SPATA7: variants seen among roughly 807,000 people sequenced by gnomAD.
SPATA7 encodes the protein spermatogenesis-associated protein 7.
In SPATA7, 43 loss-of-function variants were observed where a neutral mutation model predicts 51.8. The ratio of observed to expected loss-of-function variants is 0.83; its 90% CI spans 0.65 to 1.07. The LOEUF (loss-of-function observed/expected upper bound fraction) is 1.07, where lower values mean the gene tolerates loss of function less well. Ranked by LOEUF, SPATA7 falls within the 50% of genes least tolerant of loss-of-function variation. SPATA7 has a pLI of 0.00. For synonymous variants in SPATA7, 230 were observed against 252.8 expected (o/e 0.91, Z 0.86); for missense variants, 683 against 701.3 (o/e 0.97, Z 0.30).
chr14:88,468,136 C>G (rs1427244487), intron 4 of SPATA7: 17 of 1,613,988 alleles, frequency 1.1e-5, no homozygotes, highest in Non-Finnish European at 1.4e-5. Context: ...ATTGTGGGAG[C>G]TTAGATGAGC....
At chr14:88,409,304 T>C (rs1019831515) in intron 4 of SPATA7, among the ~76,000 whole-genome samples, 1 of 152,192 alleles carries the variant, frequency 6.6e-6, no homozygotes, top group Non-Finnish European at 1.5e-5. Context: ...GGGATTCGAC[T>C]TCTTGTTTAG....
intron 5 of SPATA7, among the ~76,000 whole-genome samples, chr14:88,425,809 A>G (rs2076773486): frequency 6.6e-6 from 1 of 152,170 alleles, no homozygotes; most frequent in Non-Finnish European, 1.5e-5. Context: ...TTAACATCAC[A>G]AAGGGATGGC....
In SPATA7 at chr14:88,469,373, T is replaced by C; in HGVS notation, c.255-474T>C. On this transcript the variant is annotated intron_variant, in intron 4 of 4. Coordinates refer to the SPATA7 transcript ENST00000556406. The surrounding 1 kb of genome is among the most constrained non-coding windows in gnomAD (Gnocchi z 4.3). Reference sequence around the variant, plus strand: ...CCCTCCCCAAAACACTTGTATTCTTTATGTTAAAACAAGTCCGAAGCTTAT... The same window carrying C: ...CCCTCCCCAAAACACTTGTATTCTTCATGTTAAAACAAGTCCGAAGCTTAT... 2 of 899,562 alleles carry C rather than the reference T, an allele frequency of 2.2e-6. No homozygotes were observed. Among genetic ancestry groups the C allele is most frequent in the South Asian group, 3.4e-5 (2 of 58,524 alleles). The allele number at this position is 899,562 out of a possible 1,614,324, so 55.7% of individuals were successfully genotyped here. A position where few individuals can be genotyped will look rare whatever the true frequency, so the allele number is the denominator to read the frequency against.
chr14:88,460,502 G>A (rs573699893), intron 4 of SPATA7, among the ~76,000 whole-genome samples: 1 of 152,030 alleles, frequency 6.6e-6, no homozygotes, highest in Non-Finnish European at 1.5e-5. Context: ...TGATCGAATC[G>A]GCTACTGAAG....
exon 5 of SPATA7, chr14:88,470,128 A>G: frequency 6.9e-7 from 1 of 1,449,624 alleles, no homozygotes; most frequent in Non-Finnish European, 9.4e-7. Flanking sequence ...TCATGGTAGT[A>G]CTAAAAAAGT....
intron 4 of SPATA7, among the ~76,000 whole-genome samples, chr14:88,407,720 C>G (rs1437002287): frequency 6.6e-6 from 1 of 152,122 alleles, no homozygotes; most frequent in Admixed American, 6.6e-5. Context: ...AGGTTTTCTT[C>G]TAGGGTTTTT....
At chr14:88,400,215 ATTC>A (rs1297643416) in intron 4 of SPATA7, among the ~76,000 whole-genome samples, 7 of 152,230 alleles carry the variant, frequency 4.6e-5, no homozygotes, top group Non-Finnish European at 1.0e-4. Flanking sequence ...TAAACAACAC[ATTC>A]TTGAACAAGT....
At position 88,426,390 on chromosome 14, in the gene SPATA7, T is replaced by A; in HGVS notation, c.531T>A (p.Ser177Arg). The part of the protein sequence containing the change: ...VITNGPEKNS[S>R]SSPSSVDYAA... ...CAAATGGTCCTGAGAAGAACTCCAG[T>A]TCCTCCCCGTCCAGTGTGGATTATG... Residue 177 changes from serine to arginine, a missense_variant, in exon 6 of 12, where the codon AGT becomes AGA. Coordinates refer to ENST00000393545, the MANE Select transcript of SPATA7 (RefSeq NM_018418.5). The A allele has an allele frequency of 6.2e-7, 1 of 1,614,170 alleles. No homozygotes were observed. Among genetic ancestry groups the A allele is most frequent in the Non-Finnish European group, 8.5e-7 (1 of 1,180,004 alleles).
chr14:88,454,405 C>T (rs2140053161), intron 3 of SPATA7, among the ~76,000 whole-genome samples: 1 of 152,248 alleles, frequency 6.6e-6, no homozygotes, highest in African/African-American at 2.4e-5. Flanking sequence ...CTGCACAGTC[C>T]CTTTTGCCAT....
chr14:88,435,111 G>A (rs2077049685), intron 10 of SPATA7, among the ~76,000 whole-genome samples: 1 of 152,084 alleles, frequency 6.6e-6, no homozygotes, highest in South Asian at 2.1e-4. Flanking sequence ...TAGAGATGTG[G>A]CTTTCTCGTC....
intron 3 of SPATA7, 85 bp downstream of exon 3, chr14:88,393,573 G>A: frequency 1.0e-6 from 1 of 968,088 alleles, no homozygotes; most frequent in Non-Finnish European, 1.6e-6. Context: ...TAGCAAAAAT[G>A]AATACCTTAT....
chr14:88,468,413 G>A, intron 4 of SPATA7: 3 of 735,406 alleles, frequency 4.1e-6, no homozygotes, highest in Non-Finnish European at 6.3e-6. Flanking sequence ...AGCCATGATT[G>A]CCTACTTCTG....
In SPATA7 at chr14:88,416,827, T is replaced by A; in HGVS notation, c.355T>A (p.Phe119Ile). Residue 119 changes from phenylalanine (F) to isoleucine (I), a missense_variant, in exon 5 of 12, where the codon TTT (phenylalanine) becomes ATT (isoleucine). Transcript: ENST00000393545. ...TTATAAAAATAATTCCAAGTCACTT[T>A]TTAATACCTTACAAAAGGTAAGATA... The part of the protein sequence containing the change: ...ANYKNNSKSL[F>I]NTLQKPSGEP... The A allele has an allele frequency of 6.3e-7, 1 of 1,597,300 alleles. No individual in the cohort carries two copies. Among genetic ancestry groups the A allele is most frequent in the Non-Finnish European group, 8.6e-7 (1 of 1,165,714 alleles).
chr14:88,430,780 G>A (rs528694646), intron 8 of SPATA7, among the ~76,000 whole-genome samples: 1 of 152,272 alleles, frequency 6.6e-6, no homozygotes, highest in Admixed American at 6.5e-5. Flanking sequence ...ATCAGTAAAT[G>A]GGAAAAATAA....
chr14:88,438,263 T>G lies in SPATA7; in HGVS notation c.1641T>G (p.Pro547=). The G allele has an allele frequency of 1.2e-6, 2 of 1,614,124 alleles. No homozygotes were observed. The highest frequency in any genetic ancestry group is 1.7e-6 in the Non-Finnish European group (2 of 1,180,002). Residue 547 remains proline, a synonymous_variant, in exon 12 of 12, where the codon CCT becomes CCG. Transcript: ENST00000393545. The part of the protein sequence containing the change: ...SVNVIEGDSD[P]EKVEISNGLC... ...ATGTCATTGAAGGTGATAGTGACCC[T>G]GAAAAGGTTGAGATTTCAAATGGAT... is the stretch of plus-strand genomic sequence containing the variant.
At chr14:88,419,864 A>G (rs774892106) in intron 5 of SPATA7, among the ~76,000 whole-genome samples, 5 of 152,062 alleles carry the variant, frequency 3.3e-5, no homozygotes, top group African/African-American at 9.6e-5. Context: ...CATACCTTCT[A>G]TTTGACTCAA....
chr14:88,445,911 T>C (rs969997141), intron 3 of SPATA7, among the ~76,000 whole-genome samples: 84 of 152,272 alleles, frequency 5.5e-4, no homozygotes, highest in Non-Finnish European at 9.4e-4. Context: ...AGGATTTTTG[T>C]ATCAATGTTC....
At chr14:88,445,636 T>G (rs1471703687) in intron 3 of SPATA7, among the ~76,000 whole-genome samples, 2 of 151,944 alleles carry the variant, frequency 1.3e-5, no homozygotes, top group African/African-American at 4.8e-5. Context: ...CATAGATAGC[T>G]CTTATTATTT....
chr14:88,454,002 G>A (rs915439799), intron 3 of SPATA7, among the ~76,000 whole-genome samples: 5 of 152,102 alleles, frequency 3.3e-5, no homozygotes, highest in Non-Finnish European at 1.5e-5. Context: ...TGGGACATGA[G>A]GCCTCCATAT....
Sources: gnomAD v4.1 joint callset for allele counts (sites outside exome capture counted in the v4.1 genomes callset) on GRCh38, gnomAD v4.1.1 for gene constraint, Gnocchi (gnomAD v3.1) non-coding constraint, MANE v1.5 for transcripts, NCBI Gene and HGNC (gene_info 2026-07-23, HGNC 2026-07-21) for gene names.